Variants in ZNF556 observed in about 807,000 individuals in gnomAD.
The protein encoded by ZNF556 is zinc finger protein 556.
A neutral mutation model predicts 13.6 loss-of-function variants in ZNF556; 11 were observed. That is an observed-to-expected ratio of 0.81 (90% CI 0.51 to 1.33). The LOEUF (loss-of-function observed/expected upper bound fraction) is 1.33. ZNF556 is among the 40% of genes most tolerant of loss of function. The pLI is 0.00. For missense variants in ZNF556, 633 were observed against 566.2 expected (o/e 1.12, Z -1.20); for synonymous variants, 229 against 207.8 (o/e 1.10, Z -0.88).
In ZNF556 at chr19:2,867,559, G is replaced by C; in HGVS notation, c.3+135G>C. ...GCCTCTGTCCCTGTGTCACCCCCGG[G>C]TCCTGCGGGGAGTTTCCTCCCCTGC... On this transcript the variant is annotated intron_variant, in intron 1 of 3. Coordinates refer to ENST00000307635, the MANE Select transcript of ZNF556 (RefSeq NM_024967.3). The C allele has an allele frequency of 4.7e-6, 6 of 1,282,708 alleles. No individual in the cohort carries two copies. The South Asian group carries it at 7.9e-5, about 17-fold the overall frequency. The allele number at this position is 1,282,708 out of a possible 1,614,324, so 79.5% of individuals were successfully genotyped here.
Position 2,877,918 on chromosome 19 carries a change from C to A in ZNF556, c.960C>A (p.Cys320Ter). 6.2e-7 allele frequency: 1 copy of A among 1,614,128 alleles called. No homozygotes were observed. Among genetic ancestry groups the A allele is most frequent in the South Asian group, 1.1e-5 (1 of 91,086 alleles). The stretch of plus-strand genomic sequence containing the variant: ...AGAAACCCTATAAGTGTGGAAAATG[C>A]GGGAAAGCATTCGGTTGGCCCTCAT... ...NGEKPYKCGK[C>*]GKAFGWPSSL... Residue 320 changes from cysteine (C) to a stop codon, truncating the protein, a stop_gained, in exon 4 of 4, where the codon TGC becomes TGA. Transcript: ENST00000307635. LOFTEE classifies it low-confidence loss of function (END_TRUNC).
rs2087867107 is a variant in ZNF556, at chr19:2,877,679, A to G, written c.721A>G (p.Ser241Gly). ...ATGTGGGCAGTGTGGGAAAGGCTTC[A>G]GTTGTCCCAAATCCTTTCGCGCACA... is the stretch of plus-strand genomic sequence containing the variant. ...YECGQCGKGF[S>G]CPKSFRAHVM... The change falls in exon 4 of 4, where the codon AGT (serine) becomes GGT (glycine). Residue 241 changes from serine to glycine, a missense_variant. Physicochemically the swap from Ser to Gly is moderately conservative, Grantham distance 56. Transcript: ENST00000307635. 5 of 1,614,006 alleles carry G rather than the reference A, an allele frequency of 3.1e-6. No homozygotes were observed. The highest frequency in any genetic ancestry group is 3.4e-6 in the Non-Finnish European group (4 of 1,179,972).
At chr19:2,869,091 A>C (rs920712744) in intron 1 of ZNF556, among the ~76,000 whole-genome samples, 1 of 152,132 alleles carries the variant, frequency 6.6e-6, no homozygotes, top group Non-Finnish European at 1.5e-5. Flanking sequence ...CTTGCTAGTG[A>C]CTATTCGGGT....
chr19:2,873,537 G>A lies in ZNF556; in HGVS notation c.45G>A (p.Leu15=), dbSNP rs778666545. 3 of 1,614,168 alleles carry A rather than the reference G, an allele frequency of 1.9e-6. No individual in the cohort carries two copies. Among genetic ancestry groups the A allele is most frequent in the South Asian group, 1.1e-5 (1 of 91,082 alleles). ...VFEDVVVDFT[L]EEWALLNPAQ... is the part of the protein sequence containing the mutation. Reference sequence around the variant, plus strand: ...AAGACGTGGTTGTGGATTTCACGCTGGAGGAGTGGGCCTTGCTGAATCCTG... The same window carrying A: ...AAGACGTGGTTGTGGATTTCACGCTAGAGGAGTGGGCCTTGCTGAATCCTG... The change falls in exon 2 of 4, where the codon CTG becomes CTA. Residue 15 remains leucine, a synonymous_variant. Coordinates refer to ENST00000307635, the MANE Select transcript of ZNF556 (RefSeq NM_024967.3).
chr19:2,873,845 T>C (rs1001236152), intron 2 of ZNF556, among the ~76,000 whole-genome samples: 9 of 151,812 alleles, frequency 5.9e-5, no homozygotes, highest in Admixed American at 5.3e-4. Context: ...TAGTCCTAGC[T>C]ACTTGAGAGG....
In ZNF556 at chr19:2,882,729, T is replaced by A. The variant is rs1460871861; in HGVS notation, c.*4400T>A. 3 of 152,078 alleles carry A rather than the reference T, an allele frequency of 2.0e-5. No homozygotes were observed. Among genetic ancestry groups the A allele is most frequent in the African/African-American group, 7.2e-5 (3 of 41,382 alleles). The allele number at this position is 152,078 out of a possible 1,614,324, so 9.4% of individuals were successfully genotyped here. ...CCCGCCACGCCCAGCTAATTTTTTGTATTTTTAGTACAGGTGGGGTTTCAC... is the reference window on the plus strand; with the variant it reads ...CCCGCCACGCCCAGCTAATTTTTTGAATTTTTAGTACAGGTGGGGTTTCAC... On this transcript the variant is annotated 3_prime_UTR_variant, in exon 4 of 4. Transcript: ENST00000307635.
rs1006703108 is a variant in ZNF556 at position 2,880,150 on chromosome 19, A to T, written c.*1821A>T. On this transcript the variant is annotated 3_prime_UTR_variant, in exon 4 of 4. Transcript: ENST00000307635. ...CTTACCTTTCATGAGAAAATGAAAG[A>T]CAATACTGGCTTATCAGGTAAACTC... The T allele has an allele frequency of 2.0e-5, 3 of 152,254 alleles. No homozygotes were observed. Among genetic ancestry groups the T allele is most frequent in the Non-Finnish European group, 2.9e-5 (2 of 68,048 alleles). The allele number at this position is 152,254 out of a possible 1,614,324, so 9.4% of individuals were successfully genotyped here. A position where few individuals can be genotyped will look rare whatever the true frequency, so the allele number is the denominator to read the frequency against.
Position 2,873,437 on chromosome 19 carries a change from G to T in ZNF556, c.4-59G>T, listed in dbSNP as rs2087821654. On this transcript the variant is annotated intron_variant, in intron 1 of 3. Transcript: ENST00000307635. ...GTGAGTGTCCTATGAACTGAGTTCA[G>T]TTCCGCAGTGCTGTGAGTTTTACCC... 20 of 1,598,000 alleles carry T rather than the reference G, an allele frequency of 1.3e-5. No homozygotes were observed. The South Asian group carries it at 2.1e-4, about 17-fold the overall frequency.
In ZNF556 at chr19:2,882,720, A is replaced by C. The variant is rs1049347273; in HGVS notation, c.*4391A>C. 3.3e-5 allele frequency: 5 copies of C among 151,598 alleles called. No homozygotes were observed. Among genetic ancestry groups the C allele is most frequent in the African/African-American group, 9.7e-5 (4 of 41,160 alleles). 9.4% of individuals were successfully genotyped at this position (151,598 alleles called of 1,614,324 possible). ...CAGGCGTGCCCCGCCACGCCCAGCTAATTTTTTGTATTTTTAGTACAGGTG... is the reference window on the plus strand; with the variant it reads ...CAGGCGTGCCCCGCCACGCCCAGCTCATTTTTTGTATTTTTAGTACAGGTG... On this transcript the variant is annotated 3_prime_UTR_variant, in exon 4 of 4. Transcript: ENST00000307635.
intron 2 of ZNF556, 131 bp downstream of exon 2, chr19:2,873,753 C>A: frequency 9.1e-7 from 1 of 1,104,170 alleles, no homozygotes; most frequent in Non-Finnish European, 1.3e-6. Flanking sequence ...TAGGAGTTGA[C>A]AACCAGCCTG....
chr19:2,873,708 C>T (rs2087825081), intron 2 of ZNF556, 86 bp downstream of exon 2: 2 of 1,481,106 alleles, frequency 1.4e-6, no homozygotes. Context: ...ATTCCCAGTG[C>T]TTTAGGAGGC....
At chr19:2,867,501 A>C (rs889567212) in intron 1 of ZNF556, 77 bp downstream of exon 1, 1 of 1,553,408 alleles carries the variant, frequency 6.4e-7, no homozygotes, top group South Asian at 1.2e-5. Flanking sequence ...ACACGCTGAA[A>C]CTCCCGGGGG....
At chr19:2,872,409 C>G (rs2087811263) in intron 1 of ZNF556, among the ~76,000 whole-genome samples, 1 of 151,886 alleles carries the variant, frequency 6.6e-6, no homozygotes, top group South Asian at 2.1e-4. Flanking sequence ...AAGGCTCGCA[C>G]TCTTGTCTTC....
intron 2 of ZNF556, among the ~76,000 whole-genome samples, chr19:2,875,341 C>G (rs1280101538): frequency 6.6e-6 from 1 of 151,902 alleles, no homozygotes; most frequent in Non-Finnish European, 1.5e-5. Context: ...CTACAGGCGC[C>G]CGCCACCACG....
At position 2,881,073 on chromosome 19, in the gene ZNF556, G is replaced by A. The variant is rs1187027771; in HGVS notation, c.*2744G>A. On this transcript the variant is annotated 3_prime_UTR_variant, in exon 4 of 4. Transcript: ENST00000307635. ...AGTAGAGACGGGGTTTCACTATGCT[G>A]GCCAGGCTGGTCTCGATCTCCTGAC... 6 of 151,712 alleles carry A rather than the reference G, an allele frequency of 4.0e-5. No individual in the cohort carries two copies. Among genetic ancestry groups the A allele is most frequent in the South Asian group, 2.1e-4 (1 of 4,792 alleles). The allele number at this position is 151,712 out of a possible 1,614,324, so 9.4% of individuals were successfully genotyped here. A position where few individuals can be genotyped will look rare whatever the true frequency, so the allele number is the denominator to read the frequency against.
At chr19:2,870,384 C>T (rs551062666) in intron 1 of ZNF556, among the ~76,000 whole-genome samples, 1 of 152,236 alleles carries the variant, frequency 6.6e-6, no homozygotes, top group South Asian at 2.1e-4. Context: ...CCCAGGAGTT[C>T]AAGGCTGCGG....
rs2087893515 is a variant in ZNF556, at chr19:2,880,073, G to T, written c.*1744G>T. On this transcript the variant is annotated 3_prime_UTR_variant, in exon 4 of 4. Transcript: ENST00000307635. The stretch of plus-strand genomic sequence containing the variant: ...AATAATTTTTTAAAAAAGCACAGGG[G>T]ATTGTTTCCCTACTGCATCTACTGT... The T allele has an allele frequency of 1.3e-5, 2 of 152,096 alleles. No homozygotes were observed. The highest frequency in any genetic ancestry group is 1.3e-4 in the Admixed American group (2 of 15,242). 9.4% of individuals were successfully genotyped at this position (152,096 alleles called of 1,614,324 possible).
chr19:2,867,408 G>C lies in ZNF556; in HGVS notation c.-14G>C. ...AGCAGGGAGCTCCTCAAAGAGCTCA[G>C]GAACGGACAGGACATGGTGAGTGCA... On this transcript the variant is annotated 5_prime_UTR_variant, in exon 1 of 4. Coordinates refer to ENST00000307635, the MANE Select transcript of ZNF556 (RefSeq NM_024967.3). 1 of 1,583,306 alleles carries C rather than the reference G, an allele frequency of 6.3e-7. No individual in the cohort carries two copies. The highest frequency in any genetic ancestry group is 8.6e-7 in the Non-Finnish European group (1 of 1,166,060).
chr19:2,872,348 C>T (rs944429542), intron 1 of ZNF556, among the ~76,000 whole-genome samples: 1 of 151,540 alleles, frequency 6.6e-6, no homozygotes, highest in East Asian at 1.9e-4. Context: ...CAGACGCTGG[C>T]GTTACCGCTA....
Sources: allele counts gnomAD v4.1 joint callset (sites outside exome capture counted in the v4.1 genomes callset), GRCh38; gene constraint gnomAD v4.1.1; transcripts MANE v1.5; gene names NCBI Gene and HGNC (gene_info 2026-07-23, HGNC 2026-07-21).